Variants in CCDC170 observed in about 807,000 individuals in gnomAD.
CCDC170 encodes coiled-coil domain containing 170.
A neutral mutation model predicts 72.6 loss-of-function variants in CCDC170; 69 were observed. The observed-to-expected ratio is 0.95, with a 90% CI of 0.78 to 1.16. The LOEUF (loss-of-function observed/expected upper bound fraction) is 1.16. Among genes scored for constraint, CCDC170 ranks in the 50% most tolerant of loss-of-function variants. CCDC170 has a pLI of 0.00. For missense variants in CCDC170, 852 were observed against 832.5 expected, an observed-to-expected ratio of 1.02 and a Z score of -0.29; for synonymous variants, 300 against 303.9, an observed-to-expected ratio of 0.99 and a Z score of 0.13.
At chr6:151,566,916 T>C (rs1164880054) in intron 5 of CCDC170, among the ~76,000 whole-genome samples, 2 of 152,192 alleles carry the variant, frequency 1.3e-5, no homozygotes, top group African/African-American at 2.4e-5. Context: ...GCCTGTTGTA[T>C]AGGAAATTTT....
intron 6 of CCDC170, among the ~76,000 whole-genome samples, chr6:151,576,225 G>T (rs1246597073): frequency 6.6e-6 from 1 of 151,922 alleles, no homozygotes; most frequent in Non-Finnish European, 1.5e-5. Flanking sequence ...AGATGATTTT[G>T]CCCAAATATA....
chr6:151,604,160 C>A (rs1456109913), intron 9 of CCDC170, among the ~76,000 whole-genome samples: 1 of 152,200 alleles, frequency 6.6e-6, no homozygotes, highest in Non-Finnish European at 1.5e-5. Context: ...TTCTCTCCCA[C>A]TTTCTAACTC....
chr6:151,496,940 T>G (rs975897577), intron 1 of CCDC170, among the ~76,000 whole-genome samples: 9 of 152,242 alleles, frequency 5.9e-5, no homozygotes, highest in African/African-American at 2.2e-4. Context: ...ATATTAGCTA[T>G]CGTTATTCTT....
chr6:151,536,355 G>C lies in CCDC170; in HGVS notation c.95G>C (p.Arg32Pro), dbSNP rs764981257. ...YDHLSEVPVT[R>P]EQLNHYRNVA... ...CATCTTTCGGAAGTCCCGGTCACGC[G>C]GGAGCAGTTAAACCACTATCGGAAT... Residue 32 changes from arginine to proline, a missense_variant, in exon 2 of 11, where the codon CGG becomes CCG. Physicochemically the swap from Arg to Pro is moderately radical, Grantham distance 103. Transcript: ENST00000239374. The C allele has an allele frequency of 8.7e-6, 14 of 1,614,088 alleles. No individual in the cohort carries two copies. The highest frequency in any genetic ancestry group is 1.7e-5 in the Admixed American group (1 of 60,012).
intron 7 of CCDC170, among the ~76,000 whole-genome samples, chr6:151,590,884 A>C (rs769139040): frequency 5.9e-5 from 9 of 152,246 alleles, no homozygotes; most frequent in Non-Finnish European, 1.3e-4. Flanking sequence ...GTAAAATACA[A>C]GCAATAGCAG....
intron 9 of CCDC170, 72 bp downstream of exon 9, chr6:151,596,649 G>C (rs1776630377): frequency 6.4e-7 from 1 of 1,570,058 alleles, no homozygotes; most frequent in African/African-American, 1.4e-5. Flanking sequence ...AAGAATGACA[G>C]CTTTATCGGG....
chr6:151,519,706 T>C (rs1782290504), intron 1 of CCDC170, among the ~76,000 whole-genome samples: 1 of 152,230 alleles, frequency 6.6e-6, no homozygotes, highest in South Asian at 2.1e-4. Context: ...CCGCAACATA[T>C]ATTATTCATG....
chr6:151,537,559 A>C (rs1051087188), intron 2 of CCDC170, among the ~76,000 whole-genome samples: 1 of 152,124 alleles, frequency 6.6e-6, no homozygotes, highest in Non-Finnish European at 1.5e-5. Context: ...AGAAATTTAA[A>C]TGTTATTTTT....
chr6:151,527,921 G>C (rs553928248), intron 1 of CCDC170, among the ~76,000 whole-genome samples: 73 of 152,234 alleles, frequency 4.8e-4, no homozygotes, highest in South Asian at 2.1e-3. Flanking sequence ...GGGATAATAA[G>C]ACAACTAAAT....
At chr6:151,550,573 A>G (rs1458351901) in intron 5 of CCDC170, among the ~76,000 whole-genome samples, 2 of 152,196 alleles carry the variant, frequency 1.3e-5, no homozygotes, top group Non-Finnish European at 2.9e-5. Context: ...GGAAAGTGCA[A>G]AGTTTATTAT....
At chr6:151,605,765 G>C (rs1443090129) in intron 9 of CCDC170, among the ~76,000 whole-genome samples, 1 of 151,948 alleles carries the variant, frequency 6.6e-6, no homozygotes, top group Non-Finnish European at 1.5e-5. Context: ...CTTCTCTCTG[G>C]CTCCAGGAAC....
At chr6:151,567,661 T>A (rs2115081716) in intron 5 of CCDC170, among the ~76,000 whole-genome samples, 1 of 152,340 alleles carries the variant, frequency 6.6e-6, no homozygotes, top group Non-Finnish European at 1.5e-5. Context: ...GGGTTCTGGA[T>A]TTTATATACT....
At position 151,612,792 on chromosome 6, in the gene CCDC170, T is replaced by C. The variant is rs531405583; in HGVS notation, c.1711-2651T>C. Among the ~76,000 whole-genome samples the C allele has an allele frequency of 1.6e-4, 24 of 152,218 alleles. No individual in the cohort carries two copies. The South Asian group carries it at 5.0e-3, about 32-fold the overall frequency. ...AAGGAAGAAAACAGCAAATACTTAT[T>C]ATTTGGTGTCTTTTATTCTGTTACT... is the stretch of plus-strand genomic sequence containing the variant. On this transcript the variant is annotated intron_variant, in intron 9 of 10. Coordinates refer to ENST00000239374, the MANE Select transcript of CCDC170 (RefSeq NM_025059.4).
intron 7 of CCDC170, among the ~76,000 whole-genome samples, chr6:151,592,465 G>A (rs1304219142): frequency 2.0e-5 from 3 of 152,188 alleles, no homozygotes; most frequent in Non-Finnish European, 2.9e-5. Flanking sequence ...CGTGGCTTGG[G>A]AGGCCTCACA....
chr6:151,596,209 C>A, intron 8 of CCDC170, 126 bp from the exon 9 acceptor site: 1 of 1,188,298 alleles, frequency 8.4e-7, no homozygotes, highest in Non-Finnish European at 1.1e-6. Context: ...AATCCAATGA[C>A]TTTTTTGATG....
intron 3 of CCDC170, 30 bp from the exon 4 acceptor site, chr6:151,544,542 A>G (rs764265263): frequency 2.5e-6 from 4 of 1,594,912 alleles, no homozygotes; most frequent in African/African-American, 2.7e-5. Context: ...ATGGTGTTAA[A>G]TTCTGACTTA....
intron 1 of CCDC170, among the ~76,000 whole-genome samples, chr6:151,510,749 T>C (rs995585151): frequency 8.5e-5 from 13 of 152,086 alleles, no homozygotes; most frequent in African/African-American, 2.4e-4. Flanking sequence ...TCTTCTTCTT[T>C]TTTTTTTATA....
At chr6:151,519,796 A>C (rs1051849895) in intron 1 of CCDC170, among the ~76,000 whole-genome samples, 1 of 152,194 alleles carries the variant, frequency 6.6e-6, no homozygotes, top group Admixed American at 6.5e-5. Flanking sequence ...AATAACCTGA[A>C]GTTGCCATGA....
rs745539547 is a variant in CCDC170, at chr6:151,548,346, AT to A, written c.633del (p.Ile211MetfsTer8). The stretch of plus-strand genomic sequence containing the variant: ...AGAAAATGAATTCGTGAAAGGACAA[AT>A]TGTTATTCTTGAAGAGACTATAAAT... ...RKENEFVKGQ[I>X]VILEETINVH... On this transcript the variant is annotated frameshift_variant, in exon 5 of 11. Coordinates refer to ENST00000239374, the MANE Select transcript of CCDC170 (RefSeq NM_025059.4). LOFTEE classifies it high-confidence loss of function. The A allele has an allele frequency of 1.1e-5, 18 of 1,602,112 alleles. No homozygotes were observed. The highest frequency in any genetic ancestry group is 1.1e-4 in the East Asian group (5 of 44,794).
Sources: gnomAD v4.1 joint callset for allele counts (sites outside exome capture counted in the v4.1 genomes callset) on GRCh38, gnomAD v4.1.1 for gene constraint, MANE v1.5 for transcripts, NCBI Gene and HGNC (gene_info 2026-07-23, HGNC 2026-07-21) for gene names.